The following MRE11 variants were observed in gnomAD, a reference collection of about 807,000 sequenced individuals.
MRE11 encodes MRE11 double strand break repair nuclease.
In MRE11, 62 loss-of-function variants were observed where a neutral mutation model predicts 91.7. The ratio of observed to expected loss-of-function variants is 0.68; its 90% confidence interval spans 0.55 to 0.84. The LOEUF is 0.84. Among genes scored for constraint, MRE11 ranks in the 40% least tolerant of loss-of-function variants. The pLI is 0.00. For missense variants in MRE11, 796 were observed against 852.9 expected (o/e 0.93, Z 0.83); for synonymous variants, 273 against 271.4 (o/e 1.01, Z -0.06).
In MRE11 at chr11:94,452,237, G is replaced by A. The variant is rs567139240; in HGVS notation, c.1563+4039C>T. ...AAAGAGAAAGACCAATACCCTACTC[G>A]AAAGAGAAAATGTGGCCAAACAAAA... On this transcript the variant is annotated intron_variant, in intron 14 of 19. Transcript: ENST00000323929. Among the ~76,000 whole-genome samples the A allele has an allele frequency of 1.5e-4, 22 of 148,978 alleles. 1 individual carries two copies. The South Asian group carries it at 4.0e-3, about 27-fold the overall frequency.
chr11:94,463,258 G>A (rs180793190), intron 11 of MRE11, among the ~76,000 whole-genome samples: 229 of 152,186 alleles, frequency 1.5e-3, no homozygotes, highest in African/African-American at 4.7e-3. Context: ...TTAGAATGGC[G>A]ATCATTAAAA....
chr11:94,439,527 A>G (rs1945717684), intron 16 of MRE11, among the ~76,000 whole-genome samples: 2 of 152,210 alleles, frequency 1.3e-5, no homozygotes, highest in South Asian at 4.1e-4. Context: ...TCGCATTTTT[A>G]CCAGGTGCTG....
At position 94,447,262 on chromosome 11, in the gene MRE11, T is replaced by C. The variant is rs1168184295; in HGVS notation, c.1740A>G (p.Arg580=). 1 of 1,614,034 alleles carries C rather than the reference T, an allele frequency of 6.2e-7. No homozygotes were observed. The change falls in exon 15 of 20, where the codon AGA becomes AGG. Residue 580 remains arginine, a synonymous_variant. Transcript: ENST00000323929. ...RGRGRGRRGG[R]GQNSASRGGS... ...CTCCTCTCGATGCTGAATTCTGCCC[T>C]CTTCCACCTCTTCGACCTCTTCCTC...
intron 14 of MRE11, among the ~76,000 whole-genome samples, chr11:94,447,735 C>T (rs1036024223): frequency 2.0e-5 from 3 of 151,034 alleles, no homozygotes; most frequent in African/African-American, 4.9e-5. Context: ...ACACAGGAGG[C>T]TGAGGCAGGA....
At chr11:94,458,752 G>A (rs1387504066) in intron 13 of MRE11, among the ~76,000 whole-genome samples, 1 of 152,020 alleles carries the variant, frequency 6.6e-6, no homozygotes, top group East Asian at 1.9e-4. Flanking sequence ...ATGTATTTGA[G>A]TTTCTTTGAT....
At chr11:94,468,442 T>C (rs1264033986) in intron 9 of MRE11, among the ~76,000 whole-genome samples, 1 of 152,192 alleles carries the variant, frequency 6.6e-6, no homozygotes, top group African/African-American at 2.4e-5. Context: ...TAAAACCAAG[T>C]TACAAGGAGA....
intron 4 of MRE11, among the ~76,000 whole-genome samples, chr11:94,483,421 G>A (rs1010178357): frequency 6.6e-6 from 1 of 152,150 alleles, no homozygotes; most frequent in Non-Finnish European, 1.5e-5. Flanking sequence ...GGGGCCTCGT[G>A]GGAGATAATT....
At chr11:94,463,805 T>C (rs1302847812) in intron 11 of MRE11, among the ~76,000 whole-genome samples, 1 of 144,160 alleles carries the variant, frequency 6.9e-6, no homozygotes, top group African/African-American at 2.5e-5. Context: ...GGGGGAGGGA[T>C]AGCATTAAGA....
At chr11:94,441,461 T>G (rs1945776260) in intron 16 of MRE11, among the ~76,000 whole-genome samples, 1 of 152,156 alleles carries the variant, frequency 6.6e-6, no homozygotes. Context: ...GTTGATAATT[T>G]TCTAGGGACA....
intron 14 of MRE11, among the ~76,000 whole-genome samples, chr11:94,452,966 T>C (rs1165073852): frequency 1.3e-5 from 2 of 152,206 alleles, no homozygotes; most frequent in African/African-American, 4.8e-5. Flanking sequence ...TGAAACTCCA[T>C]ACCTATTCAA....
At chr11:94,476,739 T>A (rs1328519162) in intron 6 of MRE11, among the ~76,000 whole-genome samples, 3 of 151,906 alleles carry the variant, frequency 2.0e-5, no homozygotes, top group African/African-American at 4.8e-5. Flanking sequence ...TTTTCTTTTC[T>A]AAACACAGTC....
intron 11 of MRE11, 48 bp downstream of exon 11, chr11:94,464,065 C>G: frequency 1.9e-6 from 3 of 1,587,250 alleles, no homozygotes; most frequent in Non-Finnish European, 2.6e-6. Context: ...GATTCCTTCA[C>G]AAATCCTATA....
chr11:94,451,905 T>G (rs1946116247), intron 14 of MRE11, among the ~76,000 whole-genome samples: 1 of 151,972 alleles, frequency 6.6e-6, no homozygotes, highest in African/African-American at 2.4e-5. Context: ...ACAAATCAAT[T>G]AGAGAAAGAC....
chr11:94,483,840 C>T (rs922192517), intron 4 of MRE11: 1 of 151,876 alleles, frequency 6.6e-6, no homozygotes, highest in East Asian at 1.9e-4. Flanking sequence ...CAGACCCTGT[C>T]TCAAAAGCAA....
intron 14 of MRE11, among the ~76,000 whole-genome samples, chr11:94,454,456 G>T (rs1946197084): frequency 6.6e-6 from 1 of 152,218 alleles, no homozygotes; most frequent in Admixed American, 6.5e-5. Flanking sequence ...TAAGCATGGC[G>T]CTGGGATTCA....
At chr11:94,506,095 A>G in the MRE11 span, among the ~76,000 whole-genome samples, 8 of 152,260 alleles carry the variant, frequency 5.3e-5, no homozygotes, top group African/African-American at 1.9e-4. Flanking sequence ...CACTCCCACC[A>G]TTAAGCGACA....
chr11:94,491,676 TG>T lies in MRE11; in HGVS notation c.21-712del, dbSNP rs1947287849. On this transcript the variant is annotated intron_variant, in intron 2 of 19. Transcript: ENST00000323929. ...GAAGGCTAAACCCAGAGAAATTAAC[TG>T]CTTTATCACATAACTAGTGACAGAA... Among the ~76,000 whole-genome samples the T allele has an allele frequency of 7.2e-5, 11 of 152,358 alleles. No individual in the cohort carries two copies. In the South Asian group the frequency reaches 2.3e-3, roughly 32 times the overall value.
rs780867675 is a variant in MRE11, at chr11:94,470,579, T to C, written c.909A>G (p.Thr303=). The change falls in exon 9 of 20, where the codon ACA becomes ACG. Residue 303 remains threonine (T), a synonymous_variant. Coordinates refer to ENST00000323929, the MANE Select transcript of MRE11 (RefSeq NM_005591.4). ...TATCCTCCATGAAAAACTGCCGCACTGTGTGAAGAGGAATTTTATGCATAT... is the reference window on the plus strand; with the variant it reads ...TATCCTCCATGAAAAACTGCCGCACCGTGTGAAGAGGAATTTTATGCATAT... The part of the protein sequence containing the change: ...KMNMHKIPLH[T]VRQFFMEDIV... 1.2e-6 allele frequency: 2 copies of C among 1,613,364 alleles called. No individual in the cohort carries two copies. The highest frequency in any genetic ancestry group is 1.3e-5 in the African/African-American group (1 of 75,018).
chr11:94,436,394 C>T (rs921378767), intron 17 of MRE11, among the ~76,000 whole-genome samples: 1 of 152,198 alleles, frequency 6.6e-6, no homozygotes, highest in Non-Finnish European at 1.5e-5. Context: ...TATTTCTCTA[C>T]ATTTTGTTAT....
Sources: gnomAD v4.1 joint callset for allele counts (sites outside exome capture counted in the v4.1 genomes callset) on GRCh38, gnomAD v4.1.1 for gene constraint, MANE v1.5 for transcripts, NCBI Gene and HGNC (gene_info 2026-07-23, HGNC 2026-07-21) for gene names.